Variants in DACH2 observed in about 807,000 individuals in gnomAD.
DACH2 encodes the protein dachshund homolog 2.
DACH2 carries 17 observed loss-of-function variants against 35.8 expected under a neutral mutation model. The ratio of observed to expected loss-of-function variants is 0.48; its 90% CI spans 0.33 to 0.71. The LOEUF is 0.71. Ranked by LOEUF, DACH2 falls within the 30% of genes least tolerant of loss-of-function variation. DACH2 has a pLI of 0.02. For missense variants in DACH2, 469 were observed against 472.7 expected (o/e 0.99, Z 0.07); for synonymous variants, 195 against 177.3 (o/e 1.10, Z -0.79).
chrX:86,211,376 A>ATT (rs1355290787), intron 1 of DACH2, among the ~76,000 whole-genome samples: 1 of 111,059 alleles, frequency 9.0e-6, no homozygotes, highest in Non-Finnish European at 1.9e-5. Flanking sequence ...ATTGGTATCT[A>ATT]TTTGTTTGCT....
At chrX:86,724,686 T>C (rs999185468) in intron 6 of DACH2, among the ~76,000 whole-genome samples, 30 of 111,579 alleles carry the variant, frequency 2.7e-4, no homozygotes, top group African/African-American at 9.8e-4. Context: ...CTTTTTGCAA[T>C]GTATATTCTT....
At chrX:86,751,336 A>G in intron 7 of DACH2, among the ~76,000 whole-genome samples, 1 of 111,243 alleles carries the variant, frequency 9.0e-6, no homozygotes, top group Non-Finnish European at 1.9e-5. Flanking sequence ...AAATCAATAA[A>G]TGTGTTTCAT....
intron 2 of DACH2, among the ~76,000 whole-genome samples, chrX:86,439,255 T>C (rs1180012858): frequency 1.8e-5 from 2 of 112,032 alleles, no homozygotes; most frequent in Non-Finnish European, 3.8e-5. Context: ...ATTATTACTT[T>C]TTTACTATCG....
At chrX:86,333,572 G>T (rs965556120) in intron 1 of DACH2, among the ~76,000 whole-genome samples, 2 of 111,413 alleles carry the variant, frequency 1.8e-5, no homozygotes, top group Non-Finnish European at 3.8e-5. Context: ...GGCAAAAAGT[G>T]CCCTTGAAGA....
At chrX:86,294,379 G>A (rs375131994) in intron 1 of DACH2, among the ~76,000 whole-genome samples, 14 of 109,373 alleles carry the variant, frequency 1.3e-4, no homozygotes, top group Admixed American at 4.9e-4. Context: ...ATGTCCTCCC[G>A]TAGCTCAGAG....
At chrX:86,416,923 G>A (rs767607645) in intron 2 of DACH2, among the ~76,000 whole-genome samples, 18 of 108,713 alleles carry the variant, frequency 1.7e-4, no homozygotes, top group Admixed American at 3.0e-4. Flanking sequence ...GCGAAACCCC[G>A]TCACTACTAA....
chrX:86,507,747 A>G (rs767196714), intron 2 of DACH2, among the ~76,000 whole-genome samples: 1 of 111,941 alleles, frequency 8.9e-6, no homozygotes, highest in Non-Finnish European at 1.9e-5. Context: ...AGAAATATTG[A>G]AGGTTCTGGA....
At chrX:86,433,803 C>T (rs749153306) in intron 2 of DACH2, among the ~76,000 whole-genome samples, 174 of 111,455 alleles carry the variant, frequency 1.6e-3, no homozygotes, top group Non-Finnish European at 2.7e-3. Flanking sequence ...GGCAGATTAT[C>T]AGGTGTGTAT....
intron 1 of DACH2, among the ~76,000 whole-genome samples, chrX:86,213,359 T>A (rs1054195237): frequency 9.0e-6 from 1 of 111,300 alleles, no homozygotes; most frequent in African/African-American, 3.3e-5. Flanking sequence ...TTTTGAGTCG[T>A]CCGTTTTTGT....
intron 1 of DACH2, among the ~76,000 whole-genome samples, chrX:86,336,103 T>G (rs747142297): frequency 8.9e-6 from 1 of 111,858 alleles, no homozygotes; most frequent in Admixed American, 9.5e-5. Flanking sequence ...TGAAGCCAAC[T>G]TGATCATGGT....
At chrX:86,483,630 C>T (rs930162118) in intron 2 of DACH2, among the ~76,000 whole-genome samples, 3 of 110,456 alleles carry the variant, frequency 2.7e-5, no homozygotes, top group South Asian at 3.9e-4. Context: ...CCCAGGAGTT[C>T]GAGACAAGCC....
intron 1 of DACH2, among the ~76,000 whole-genome samples, chrX:86,267,578 G>C (rs750505784): frequency 8.9e-6 from 1 of 111,934 alleles, no homozygotes; most frequent in Admixed American, 9.5e-5. Flanking sequence ...CCAGCAGGCT[G>C]TGTGTCTTTG....
rs1329124023 is a variant in DACH2 at position 86,587,373 on chromosome X, C to T, written c.641-63663C>T. 6.3e-5 allele frequency among the ~76,000 whole-genome samples: 7 copies of T among 111,237 alleles called. No individual in the cohort carries two copies. The South Asian group carries it at 1.9e-3, about 30-fold the overall frequency. ...ACATCTCCAAATAGAGATAGTTTGA[C>T]TTCTTCTCTTGTTATTTGGATAACT... On this transcript the variant is annotated intron_variant, in intron 3 of 11. Transcript: ENST00000373125.
At chrX:86,298,522 G>T (rs1352323614) in intron 1 of DACH2, among the ~76,000 whole-genome samples, 3 of 111,588 alleles carry the variant, frequency 2.7e-5, no homozygotes, top group Non-Finnish European at 5.7e-5. Context: ...TTTTATAATA[G>T]AATAAACTGG....
At chrX:86,294,638 T>G (rs909933455) in intron 1 of DACH2, among the ~76,000 whole-genome samples, 2 of 109,499 alleles carry the variant, frequency 1.8e-5, no homozygotes, top group African/African-American at 6.7e-5. Flanking sequence ...GTTTTCCTTC[T>G]AACAGACAGG....
At chrX:86,584,359 A>T (rs1405186706) in intron 3 of DACH2, among the ~76,000 whole-genome samples, 1 of 110,056 alleles carries the variant, frequency 9.1e-6, no homozygotes, top group Non-Finnish European at 1.9e-5. Context: ...TACCTTTGCC[A>T]TTTTTCACTT....
In DACH2 at chrX:86,289,646, C is replaced by T. The variant is rs771387968; in HGVS notation, c.489-87178C>T. ...TCCATGTGTTCTCATTGTTCAATTC[C>T]CACCTATGAGTGAGAATATGCGGTG... is the stretch of plus-strand genomic sequence containing the variant. On this transcript the variant is annotated intron_variant, in intron 1 of 11. Transcript: ENST00000373125. Among the ~76,000 whole-genome samples, 769 of 96,937 alleles carry T rather than the reference C, an allele frequency of 7.9e-3. 10 individuals are homozygous for T. Among genetic ancestry groups the T allele is most frequent in the African/African-American group, 0.028 (730 of 26,138 alleles). 84.2% of individuals were successfully genotyped at this position (96,937 alleles called of 115,157 possible). A position where few individuals can be genotyped will look rare whatever the true frequency, so the allele number is the denominator to read the frequency against.
intron 6 of DACH2, among the ~76,000 whole-genome samples, chrX:86,727,593 G>A (rs1229009552): frequency 2.7e-5 from 3 of 110,936 alleles, no homozygotes; most frequent in African/African-American, 9.8e-5. Flanking sequence ...CCCCATGAAT[G>A]GCTTGGGGCA....
intron 11 of DACH2, among the ~76,000 whole-genome samples, chrX:86,824,365 C>A (rs771376466): frequency 2.7e-5 from 3 of 111,948 alleles, no homozygotes; most frequent in African/African-American, 9.7e-5. Context: ...CACAGGTAGT[C>A]AGACCTTATG....
Sources: gnomAD v4.1 joint callset for allele counts (sites outside exome capture counted in the v4.1 genomes callset) on GRCh38, gnomAD v4.1.1 for gene constraint, MANE v1.5 for transcripts, NCBI Gene and HGNC (gene_info 2026-07-23, HGNC 2026-07-21) for gene names.